The following GIPC2 variants were observed in gnomAD, a reference collection of about 807,000 sequenced individuals.
The protein encoded by GIPC2 is PDZ domain-containing protein GIPC2.
Under a neutral mutation model 30.6 loss-of-function variants are expected in GIPC2, and 30 were observed. The ratio of observed to expected loss-of-function variants is 0.98; its 90% confidence interval spans 0.73 to 1.33. GIPC2 has a LOEUF of 1.33. Among genes scored for constraint, GIPC2 ranks in the 40% most tolerant of loss-of-function variants. The pLI is 0.00. For missense variants in GIPC2, 414 were observed against 390.3 expected, an observed-to-expected ratio of 1.06 and a Z score of -0.51; for synonymous variants, 167 against 150.0, an observed-to-expected ratio of 1.11 and a Z score of -0.83.
At chr1:78,094,816 C>G in intron 2 of GIPC2, 136 bp from the exon 3 acceptor site, 1 of 574,618 alleles carries the variant, frequency 1.7e-6, no homozygotes, top group Non-Finnish European at 3.1e-6. Context: ...AAACCTGTAG[C>G]ATCTGATATT....
intron 2 of GIPC2, chr1:78,092,135 G>T: frequency 1.2e-6 from 1 of 850,480 alleles, no homozygotes; most frequent in East Asian, 2.5e-5. Context: ...TGTTCAGGAT[G>T]GGAGACACAC....
chr1:78,048,328 C>T (rs1031132228), intron 1 of GIPC2, among the ~76,000 whole-genome samples: 1 of 152,196 alleles, frequency 6.6e-6, no homozygotes, highest in African/African-American at 2.4e-5. Flanking sequence ...AGAGAGGAAA[C>T]AGACTTTGAG....
intron 5 of GIPC2, among the ~76,000 whole-genome samples, chr1:78,132,166 A>G (rs1027029256): frequency 1.1e-4 from 16 of 152,364 alleles, no homozygotes; most frequent in Middle Eastern, 3.4e-3. Flanking sequence ...TCACATCTAT[A>G]AAAGGGACAT....
At chr1:78,119,583 T>G in intron 4 of GIPC2, 84 bp downstream of exon 4, 1 of 797,590 alleles carries the variant, frequency 1.3e-6, no homozygotes, top group Admixed American at 2.2e-5. Flanking sequence ...AAACTTGGAC[T>G]TTTAATTCAC....
At chr1:78,099,763 T>A (rs1250980788) in intron 3 of GIPC2, among the ~76,000 whole-genome samples, 1 of 151,970 alleles carries the variant, frequency 6.6e-6, no homozygotes, top group Non-Finnish European at 1.5e-5. Context: ...AGGAAAGAGA[T>A]TTGAGTTGAG....
chr1:78,065,372 C>G (rs941797198), intron 1 of GIPC2, among the ~76,000 whole-genome samples: 27 of 151,620 alleles, frequency 1.8e-4, no homozygotes, highest in Admixed American at 1.2e-3. Context: ...TGAAAGATCT[C>G]TACAAGGAGA....
intron 2 of GIPC2, among the ~76,000 whole-genome samples, chr1:78,089,692 G>T (rs1049210479): frequency 4.2e-4 from 64 of 152,126 alleles, no homozygotes; most frequent in Non-Finnish European, 7.2e-4. Flanking sequence ...AAATGTTCAT[G>T]ATTTTATTAT....
At chr1:78,070,284 AT>A (rs1415940251) in intron 1 of GIPC2, among the ~76,000 whole-genome samples, 1 of 152,312 alleles carries the variant, frequency 6.6e-6, no homozygotes, top group Non-Finnish European at 1.5e-5. Context: ...AGCATATAAA[AT>A]GTCCCCTGTT....
At chr1:78,130,279 T>G (rs138299279) in intron 5 of GIPC2, among the ~76,000 whole-genome samples, 1 of 151,812 alleles carries the variant, frequency 6.6e-6, no homozygotes, top group East Asian at 1.9e-4. Flanking sequence ...ATTTTTTGTA[T>G]TTTTAGTAGA....
chr1:78,131,262 AGT>A (rs1187371128), intron 5 of GIPC2, among the ~76,000 whole-genome samples: 3 of 150,630 alleles, frequency 2.0e-5, no homozygotes, highest in Non-Finnish European at 2.9e-5. Context: ...GCTGGAGTGC[AGT>A]GTGGCGCGAT....
chr1:78,052,998 A>C (rs1661222529), intron 1 of GIPC2, among the ~76,000 whole-genome samples: 1 of 152,210 alleles, frequency 6.6e-6, no homozygotes, highest in African/African-American at 2.4e-5. Context: ...CGAATAGAGA[A>C]AATAGGGTTT....
chr1:78,125,815 T>C, intron 4 of GIPC2, 66 bp from the exon 5 acceptor site: 1 of 847,140 alleles, frequency 1.2e-6, no homozygotes, highest in South Asian at 1.4e-5. Flanking sequence ...GGCTTTCTCT[T>C]GTGTATGCCC....
intron 5 of GIPC2, among the ~76,000 whole-genome samples, chr1:78,134,698 G>A (rs114113740): frequency 0.014 from 2,112 of 152,196 alleles, 22 homozygotes; most frequent in Non-Finnish European, 0.023. Flanking sequence ...CTTGTGGCTC[G>A]TTCAGAGAAG....
chr1:78,047,083 A>AC (rs1354114063), intron 1 of GIPC2, among the ~76,000 whole-genome samples: 1 of 152,208 alleles, frequency 6.6e-6, no homozygotes, highest in Non-Finnish European at 1.5e-5. Flanking sequence ...AATTTGCTTT[A>AC]ATTAGATTTC....
At chr1:78,061,244 G>A (rs1023385309) in intron 1 of GIPC2, among the ~76,000 whole-genome samples, 3 of 152,192 alleles carry the variant, frequency 2.0e-5, no homozygotes, top group African/African-American at 7.2e-5. Context: ...TCAGAGAGAA[G>A]TAACTAACAA....
chr1:78,085,805 C>G (rs991099465), intron 2 of GIPC2, among the ~76,000 whole-genome samples: 5 of 151,196 alleles, frequency 3.3e-5, no homozygotes, highest in Non-Finnish European at 5.9e-5. Flanking sequence ...TAGATCTTCT[C>G]TCTTTTCTTC....
In GIPC2 at chr1:78,046,146, G is replaced by A; in HGVS notation, c.52G>A (p.Gly18Arg). ...KKKAKSKETA[G>R]LVEGEPTGAG... ...GAAGGCCAAGTCCAAGGAGACCGCCGGGCTGGTGGAGGGCGAGCCGACGGG... is the reference window on the plus strand; with the variant it reads ...GAAGGCCAAGTCCAAGGAGACCGCCAGGCTGGTGGAGGGCGAGCCGACGGG... The change falls in exon 1 of 6, where the codon GGG (glycine) becomes AGG (arginine). Residue 18 changes from glycine (G) to arginine (R), a missense_variant. Gly to Arg is a moderately radical substitution (Grantham distance 125, BLOSUM62 -2). Coordinates refer to ENST00000370759, the MANE Select transcript of GIPC2 (RefSeq NM_017655.6). 6.5e-7 allele frequency: 1 copy of A among 1,538,720 alleles called. No individual in the cohort carries two copies. Among genetic ancestry groups the A allele is most frequent in the South Asian group, 1.2e-5 (1 of 82,612 alleles).
intron 3 of GIPC2, among the ~76,000 whole-genome samples, chr1:78,098,199 T>G (rs1055211420): frequency 3.3e-5 from 5 of 152,124 alleles, no homozygotes; most frequent in Admixed American, 2.0e-4. Flanking sequence ...GTGTTTGACC[T>G]TAAGGATTTT....
rs3057089 is a variant in GIPC2 at position 78,133,750 on chromosome 1, TTGTGTGTGTGTGTG to T, written c.797-1816_797-1803del. The stretch of plus-strand genomic sequence containing the variant: ...CATTGGTTACACAAGGAAAAAAAAA[TTGTGTGTGTGTGTG>T]TGTGTGTGTGTGTGTGTGTGTGTGT... On this transcript the variant is annotated intron_variant, in intron 5 of 5. Coordinates refer to ENST00000370759, the MANE Select transcript of GIPC2 (RefSeq NM_017655.6). Among the ~76,000 whole-genome samples the T allele has an allele frequency of 5.2e-3, 761 of 146,010 alleles. 8 individuals carry two copies. The highest frequency in any genetic ancestry group is 0.018 in the African/African-American group (699 of 39,820).
Sources: allele counts gnomAD v4.1 joint callset (sites outside exome capture counted in the v4.1 genomes callset), GRCh38; gene constraint gnomAD v4.1.1; transcripts MANE v1.5; gene names NCBI Gene and HGNC (gene_info 2026-07-23, HGNC 2026-07-21).